Variants in PCDHA11 observed in about 807,000 individuals in gnomAD.
PCDHA11 encodes the protein protocadherin alpha-11.
PCDHA11 carries 61 observed loss-of-function variants against 70.3 expected under a neutral mutation model. The observed-to-expected ratio is 0.87, with a 90% CI of 0.71 to 1.07. The LOEUF is 1.07. Ranked by LOEUF, PCDHA11 falls within the 50% of genes least tolerant of loss-of-function variation. PCDHA11 has a pLI of 0.00. For synonymous variants in PCDHA11, 633 were observed against 555.1 expected (o/e 1.14, Z -1.97); for missense variants, 1,324 against 1,237.5 (o/e 1.07, Z -1.05).
rs1169646324 is a variant in PCDHA11 at position 141,011,134 on chromosome 5, ATACACAACCT to A, written c.*1199_*1208del. The A allele has an allele frequency of 6.5e-6, 1 of 153,688 alleles. No homozygotes were observed. Among genetic ancestry groups the A allele is most frequent in the East Asian group, 1.9e-4 (1 of 5,194 alleles). The allele number at this position is 153,688 out of a possible 1,614,324, so 9.5% of individuals were successfully genotyped here. ...CTAAGAAACAATTATGTGCACTTTG[ATACACAACCT>A]TCTCTAACCAACTATATATCAAGAC... On this transcript the variant is annotated 3_prime_UTR_variant, in exon 4 of 4. Transcript: ENST00000398640.
intron 1 of PCDHA11, among the ~76,000 whole-genome samples, chr5:140,907,242 T>A (rs532344223): frequency 6.6e-6 from 1 of 152,328 alleles, no homozygotes; most frequent in African/African-American, 2.4e-5. Flanking sequence ...TAGTTGACAT[T>A]GTAATTGTGA....
intron 3 of PCDHA11, among the ~76,000 whole-genome samples, chr5:140,987,520 G>T (rs1221115195): frequency 2.0e-5 from 3 of 152,106 alleles, no homozygotes; most frequent in Non-Finnish European, 4.4e-5. Context: ...CTCAGTAATT[G>T]TATGTTCCTG....
intron 3 of PCDHA11, among the ~76,000 whole-genome samples, chr5:141,002,751 C>T (rs1204940300): frequency 3.9e-5 from 6 of 152,152 alleles, no homozygotes; most frequent in African/African-American, 1.4e-4. Context: ...CATCGACAAC[C>T]CTGTGATGTA....
At chr5:140,942,418 A>G (rs1554214971) in intron 1 of PCDHA11, among the ~76,000 whole-genome samples, 2 of 152,146 alleles carry the variant, frequency 1.3e-5, no homozygotes, top group South Asian at 2.1e-4. Flanking sequence ...TTAAAAAAAA[A>G]AAAGATATCT....
chr5:140,879,390 A>T (rs2057972127), intron 1 of PCDHA11, among the ~76,000 whole-genome samples: 1 of 152,202 alleles, frequency 6.6e-6, no homozygotes, highest in Admixed American at 6.5e-5. Context: ...TTGGAGAAAC[A>T]GTTTGTGTGT....
chr5:140,932,703 G>A (rs1218359293), intron 1 of PCDHA11, among the ~76,000 whole-genome samples: 2 of 151,660 alleles, frequency 1.3e-5, no homozygotes, highest in Non-Finnish European at 3.0e-5. Flanking sequence ...AACTCATATA[G>A]ACAACACAAT....
intron 1 of PCDHA11, among the ~76,000 whole-genome samples, chr5:140,922,883 T>A (rs963654982): frequency 2.6e-5 from 4 of 152,134 alleles, no homozygotes; most frequent in Admixed American, 2.0e-4. Flanking sequence ...TCCAAAGACA[T>A]CATTCAAGAA....
intron 1 of PCDHA11, among the ~76,000 whole-genome samples, chr5:140,942,347 G>T (rs2093273719): frequency 6.6e-6 from 1 of 151,956 alleles, no homozygotes; most frequent in Non-Finnish European, 1.5e-5. Flanking sequence ...GGGAGGCGGA[G>T]GTTGCAGTTA....
At chr5:140,874,174 G>A (rs2054753797) in intron 1 of PCDHA11, among the ~76,000 whole-genome samples, 1 of 152,292 alleles carries the variant, frequency 6.6e-6, no homozygotes, top group East Asian at 1.9e-4. Context: ...CTTTCCTGGT[G>A]TTGTAAAGGT....
intron 1 of PCDHA11, among the ~76,000 whole-genome samples, chr5:140,953,914 T>A (rs1554221128): frequency 6.6e-6 from 1 of 152,134 alleles, no homozygotes; most frequent in South Asian, 2.1e-4. Context: ...ATCCATTAGG[T>A]ATTCTTCCTG....
chr5:140,980,749 G>A (rs1388943582), intron 2 of PCDHA11, among the ~76,000 whole-genome samples: 1 of 151,942 alleles, frequency 6.6e-6, no homozygotes, highest in Non-Finnish European at 1.5e-5. Flanking sequence ...TTTGAGTAGG[G>A]TAAGAAATAA....
At chr5:140,886,599 G>A (rs1370842751) in intron 1 of PCDHA11, among the ~76,000 whole-genome samples, 1 of 151,940 alleles carries the variant, frequency 6.6e-6, no homozygotes, top group African/African-American at 2.4e-5. Flanking sequence ...AGGCCAAGGT[G>A]GGCGGATCAG....
chr5:140,984,516 TCA>T (rs1422083367), intron 3 of PCDHA11, among the ~76,000 whole-genome samples: 2 of 152,130 alleles, frequency 1.3e-5, no homozygotes, highest in Non-Finnish European at 2.9e-5. Context: ...GATGCATGAG[TCA>T]CAGTCTTCAT....
At chr5:140,917,329 G>GGGGGGGGGGGGT (rs1563018868) in intron 1 of PCDHA11, among the ~76,000 whole-genome samples, 1 of 143,928 alleles carries the variant, frequency 6.9e-6, no homozygotes, top group Non-Finnish European at 1.5e-5. Context: ...TGTGGCGGGG[G>GGGGGGGGGGGGT]AGGGGGGGGA....
At chr5:140,945,488 C>T (rs1362622912) in intron 1 of PCDHA11, among the ~76,000 whole-genome samples, 1 of 151,910 alleles carries the variant, frequency 6.6e-6, no homozygotes, top group Non-Finnish European at 1.5e-5. Flanking sequence ...ACCCCAAATA[C>T]CCAAAGCAAT....
chr5:140,887,222 G>A (rs1406254180), intron 1 of PCDHA11, among the ~76,000 whole-genome samples: 1 of 151,284 alleles, frequency 6.6e-6, no homozygotes, highest in Non-Finnish European at 1.5e-5. Flanking sequence ...TCAGCCTCCC[G>A]AGTAGCTGAG....
At position 140,870,670 on chromosome 5, in the gene PCDHA11, G is replaced by A. The variant is rs782000668; in HGVS notation, c.1567G>A (p.Asp523Asn). Residue 523 changes from aspartate to asparagine, a missense_variant, in exon 1 of 4, where the codon GAC (aspartate) becomes AAC (asparagine). Asp to Asn is a conservative substitution (Grantham distance 23). Coordinates refer to ENST00000398640, the MANE Select transcript of PCDHA11 (RefSeq NM_018902.5). ...SGKVYALQPL[D>N]HEELELLQFQ... Reference sequence around the variant, plus strand: ...CAAGGTGTACGCGCTGCAGCCGTTGGACCACGAGGAGCTGGAGCTGCTACA... The same window carrying A: ...CAAGGTGTACGCGCTGCAGCCGTTGAACCACGAGGAGCTGGAGCTGCTACA... The A allele has an allele frequency of 3.1e-6, 5 of 1,612,518 alleles. No individual in the cohort carries two copies. The East Asian group carries it at 1.1e-4, about 36-fold the overall frequency.
chr5:140,976,414 G>A (rs1242756697), intron 1 of PCDHA11, among the ~76,000 whole-genome samples: 2 of 151,998 alleles, frequency 1.3e-5, no homozygotes, highest in African/African-American at 2.4e-5. Context: ...AGCCAGGTAC[G>A]GTGGCAGATG....
At chr5:140,904,187 C>T (rs1554191348) in intron 1 of PCDHA11, among the ~76,000 whole-genome samples, 1 of 151,982 alleles carries the variant, frequency 6.6e-6, no homozygotes, top group Non-Finnish European at 1.5e-5. Context: ...ACCCCCTTCC[C>T]ACCCTTTCCC....
Sources: allele counts gnomAD v4.1 joint callset (sites outside exome capture counted in the v4.1 genomes callset), GRCh38; gene constraint gnomAD v4.1.1; transcripts MANE v1.5; gene names NCBI Gene and HGNC (gene_info 2026-07-23, HGNC 2026-07-21).